MDGA2: variants seen among roughly 807,000 people sequenced by gnomAD.
The protein encoded by MDGA2 is MAM domain-containing glycosylphosphatidylinositol anchor protein 2.
A neutral mutation model predicts 117.8 loss-of-function variants in MDGA2; 40 were observed. The ratio of observed to expected loss-of-function variants is 0.34; its 90% CI spans 0.26 to 0.44. MDGA2 has a LOEUF of 0.44. Among genes scored for constraint, MDGA2 ranks in the 20% least tolerant of loss-of-function variants. MDGA2 has a pLI of 1.00. For missense variants in MDGA2, 1,123 were observed against 1,250.6 expected, an observed-to-expected ratio of 0.90 and a Z score of 1.54; for synonymous variants, 452 against 439.0, an observed-to-expected ratio of 1.03 and a Z score of -0.37.
chr14:46,939,703 A>G (rs1266428019), intron 9 of MDGA2, among the ~76,000 whole-genome samples: 1 of 152,168 alleles, frequency 6.6e-6, no homozygotes, highest in Non-Finnish European at 1.5e-5. Flanking sequence ...ATGTTTTTTA[A>G]TATTCACAGT....
At chr14:46,998,208 C>T (rs574330921) in intron 8 of MDGA2, among the ~76,000 whole-genome samples, 2 of 152,134 alleles carry the variant, frequency 1.3e-5, no homozygotes, top group East Asian at 3.9e-4. Context: ...CTTTGGGAGG[C>T]CAAGGCAGGA....
intron 1 of MDGA2, among the ~76,000 whole-genome samples, chr14:47,310,143 T>C (rs1339961817): frequency 6.6e-6 from 1 of 152,210 alleles, no homozygotes; most frequent in Non-Finnish European, 1.5e-5. Flanking sequence ...TCAGATTTCA[T>C]CAGGATTACC....
At chr14:47,508,549 G>A (rs760707963) in intron 1 of MDGA2, among the ~76,000 whole-genome samples, 69 of 152,178 alleles carry the variant, frequency 4.5e-4, no homozygotes, top group Non-Finnish European at 7.6e-4. Flanking sequence ...ATTGTTTTTG[G>A]TGGTTATTTC....
At chr14:47,376,509 T>G (rs1891481456) in intron 1 of MDGA2, among the ~76,000 whole-genome samples, 1 of 152,168 alleles carries the variant, frequency 6.6e-6, no homozygotes, top group South Asian at 2.1e-4. Flanking sequence ...ATAACTTTAT[T>G]TTTAGAACAA....
chr14:47,120,372 G>A (rs1351552423), intron 5 of MDGA2, among the ~76,000 whole-genome samples: 1 of 152,080 alleles, frequency 6.6e-6, no homozygotes, highest in Non-Finnish European at 1.5e-5. Flanking sequence ...CAGATTTATT[G>A]GATAGAATGT....
At chr14:47,619,933 C>G (rs1256548764) in intron 1 of MDGA2, among the ~76,000 whole-genome samples, 1 of 152,210 alleles carries the variant, frequency 6.6e-6, no homozygotes, top group Admixed American at 6.5e-5. Flanking sequence ...TTGTCCTCAT[C>G]CCAGCACACA....
chr14:46,897,507 A>C (rs1420076662), intron 10 of MDGA2, among the ~76,000 whole-genome samples: 3 of 152,128 alleles, frequency 2.0e-5, no homozygotes. Context: ...ATTGAAAGCC[A>C]TCTGTTGAGA....
At chr14:47,182,844 G>A (rs903283450) in intron 3 of MDGA2, among the ~76,000 whole-genome samples, 1 of 151,948 alleles carries the variant, frequency 6.6e-6, no homozygotes, top group African/African-American at 2.4e-5. Context: ...GCTTTTTTGG[G>A]TTTTTTTGGG....
At chr14:47,292,555 C>T (rs749008569) in intron 2 of MDGA2, among the ~76,000 whole-genome samples, 132 of 152,250 alleles carry the variant, frequency 8.7e-4, no homozygotes, top group Non-Finnish European at 1.6e-3. Flanking sequence ...CCTCAAAAGG[C>T]TTTGCTAGTT....
rs369740515 is a variant in MDGA2, at chr14:47,429,177, A to G, written c.281-127627T>C. On this transcript the variant is annotated intron_variant, in intron 1 of 16. Coordinates refer to ENST00000399232, the MANE Select transcript of MDGA2 (RefSeq NM_001113498.3). ...GGGGCAGAGGTTGCAATGAGCTGAG[A>G]TTGCGCCACTGCACTCCAACCTGAG... is the stretch of plus-strand genomic sequence containing the variant. 5.9e-3 allele frequency among the ~76,000 whole-genome samples: 902 copies of G among 152,074 alleles called. 7 individuals are homozygous for G. The highest frequency in any genetic ancestry group is 0.024 in the Middle Eastern group (7 of 294).
intron 1 of MDGA2, among the ~76,000 whole-genome samples, chr14:47,553,269 G>A (rs1474612768): frequency 6.6e-6 from 1 of 152,190 alleles, no homozygotes; most frequent in African/African-American, 2.4e-5. Context: ...CTTTTTCACT[G>A]CTTCTGGCAA....
intron 1 of MDGA2, among the ~76,000 whole-genome samples, chr14:47,446,321 A>G (rs1893121227): frequency 6.6e-6 from 1 of 152,170 alleles, no homozygotes; most frequent in Non-Finnish European, 1.5e-5. Flanking sequence ...TATACAAGAA[A>G]TCTGAGTGGA....
intron 1 of MDGA2, among the ~76,000 whole-genome samples, chr14:47,458,440 T>C (rs566121829): frequency 1.3e-5 from 2 of 152,278 alleles, no homozygotes; most frequent in East Asian, 3.9e-4. Flanking sequence ...CTTCAATCCA[T>C]TCTGAGTTGA....
chr14:47,262,159 G>C (rs746224739), intron 2 of MDGA2, among the ~76,000 whole-genome samples: 3 of 152,106 alleles, frequency 2.0e-5, no homozygotes, highest in Non-Finnish European at 4.4e-5. Flanking sequence ...TTTCAAATCA[G>C]AAAGAACAGG....
chr14:47,443,708 T>A (rs1273022188), intron 1 of MDGA2, among the ~76,000 whole-genome samples: 1 of 152,136 alleles, frequency 6.6e-6, no homozygotes, highest in African/African-American at 2.4e-5. Flanking sequence ...AAATCCAGAA[T>A]AAAAATTGAG....
At chr14:47,604,488 C>CT (rs71922759) in intron 1 of MDGA2, among the ~76,000 whole-genome samples, 1 of 65,988 alleles carries the variant, frequency 1.5e-5, no homozygotes, top group South Asian at 4.7e-4. Flanking sequence ...AGCTTCCCCA[C>CT]CCCCCCCCAC....
At chr14:47,297,470 A>G (rs1351875229) in intron 2 of MDGA2, among the ~76,000 whole-genome samples, 3 of 106,652 alleles carry the variant, frequency 2.8e-5, no homozygotes, top group Non-Finnish European at 3.8e-5. Context: ...GAGGGGAGTG[A>G]AGGGAAGGGG....
At chr14:47,471,995 G>A (rs985028937) in intron 1 of MDGA2, among the ~76,000 whole-genome samples, 7 of 152,046 alleles carry the variant, frequency 4.6e-5, no homozygotes, top group African/African-American at 1.7e-4. Flanking sequence ...GTAATACAGT[G>A]GGGAACAGGA....
rs76452407 is a variant in MDGA2, at chr14:47,433,574, G to T, written c.281-132024C>A. ...TAAAGCTTTATAAAATCTAATTCAG[G>T]ACTAAGGAGACATTTGAAAAACTAT... On this transcript the variant is annotated intron_variant, in intron 1 of 16. Coordinates refer to ENST00000399232, the MANE Select transcript of MDGA2 (RefSeq NM_001113498.3). 3.8e-3 allele frequency among the ~76,000 whole-genome samples: 571 copies of T among 152,148 alleles called. 6 individuals carry two copies. Among genetic ancestry groups the T allele is most frequent in the Middle Eastern group, 0.017 (5 of 294 alleles).
Sources: allele counts gnomAD v4.1 joint callset (sites outside exome capture counted in the v4.1 genomes callset), GRCh38; gene constraint gnomAD v4.1.1; transcripts MANE v1.5; gene names NCBI Gene and HGNC (gene_info 2026-07-23, HGNC 2026-07-21).